The following MSI2 variants were observed in gnomAD, a reference collection of about 807,000 sequenced individuals.
MSI2 encodes musashi RNA binding protein 2.
MSI2 carries 17 observed loss-of-function variants against 45.6 expected under a neutral mutation model. The ratio of observed to expected loss-of-function variants is 0.37; its 90% confidence interval spans 0.26 to 0.56. MSI2 has a LOEUF of 0.56. MSI2 is among the 20% of genes least tolerant of loss of function. The pLI, the probability that MSI2 is intolerant of heterozygous loss-of-function variation, is 0.77. For synonymous variants in MSI2, 156 were observed against 158.2 expected, an observed-to-expected ratio of 0.99 and a Z score of 0.11; for missense variants, 293 against 444.2, an observed-to-expected ratio of 0.66 and a Z score of 3.06.
chr17:57,576,321 T>C (rs1231194571), intron 7 of MSI2, among the ~76,000 whole-genome samples: 1 of 152,228 alleles, frequency 6.6e-6, no homozygotes, highest in Non-Finnish European at 1.5e-5. Context: ...AAGGGCTGGA[T>C]CCTACTCTCC....
At chr17:57,605,441 G>T (rs1906448742) in intron 8 of MSI2, among the ~76,000 whole-genome samples, 2 of 152,226 alleles carry the variant, frequency 1.3e-5, no homozygotes, top group African/African-American at 4.8e-5. Flanking sequence ...GAGGGCAGTG[G>T]TCTGTCTCCT....
At chr17:57,388,583 T>C (rs2083725896) in intron 5 of MSI2, among the ~76,000 whole-genome samples, 2 of 152,208 alleles carry the variant, frequency 1.3e-5, no homozygotes, top group Admixed American at 6.5e-5. Context: ...TCATGCCTTT[T>C]TCTCTACTTC....
intron 6 of MSI2, among the ~76,000 whole-genome samples, chr17:57,508,288 G>C (rs899421707): frequency 2.0e-5 from 3 of 152,108 alleles, no homozygotes; most frequent in Non-Finnish European, 4.4e-5. Flanking sequence ...CCCTTCCTCT[G>C]CTGCCCGTAT....
chr17:57,513,335 T>C (rs2086398334), intron 6 of MSI2, among the ~76,000 whole-genome samples: 2 of 152,010 alleles, frequency 1.3e-5, no homozygotes, highest in African/African-American at 4.8e-5. Flanking sequence ...TGAAGTGAAG[T>C]AACAGAGGCA....
intron 5 of MSI2, among the ~76,000 whole-genome samples, chr17:57,311,794 G>A (rs371178616): frequency 7.9e-5 from 12 of 152,202 alleles, no homozygotes; most frequent in Admixed American, 7.2e-4. Flanking sequence ...GGCCTCAAGC[G>A]ATACTCCCAC....
At chr17:57,408,409 A>G (rs2084124680) in intron 6 of MSI2, among the ~76,000 whole-genome samples, 1 of 152,246 alleles carries the variant, frequency 6.6e-6, no homozygotes, top group South Asian at 2.1e-4. Flanking sequence ...TGCCATGTGC[A>G]TTTGCATAGT....
rs561338479 is a variant in MSI2, at chr17:57,407,505, A to C, written c.405+6034A>C. On this transcript the variant is annotated intron_variant, in intron 6 of 13. Coordinates refer to ENST00000284073, the MANE Select transcript of MSI2 (RefSeq NM_138962.4). The surrounding 1 kb of genome is among the most constrained non-coding windows in gnomAD (Gnocchi z 4.1). ...GTCGTAGATAAACAGAGCTCTGTGC[A>C]GTGTGGTTCTCTCAGAGGAGGCTTG... Among the ~76,000 whole-genome samples, 3 of 152,178 alleles carry C rather than the reference A, an allele frequency of 2.0e-5. No homozygotes were observed. The highest frequency in any genetic ancestry group is 7.2e-5 in the African/African-American group (3 of 41,428).
intron 5 of MSI2, among the ~76,000 whole-genome samples, chr17:57,394,939 GA>G (rs1181828245): frequency 2.0e-5 from 3 of 152,242 alleles, no homozygotes. Flanking sequence ...AGTGGTTTAA[GA>G]AATAGAAATA....
chr17:57,346,038 T>A (rs1160985054), intron 5 of MSI2, among the ~76,000 whole-genome samples: 7 of 152,282 alleles, frequency 4.6e-5, no homozygotes, highest in South Asian at 2.1e-4. Flanking sequence ...AGGTGAGAGA[T>A]GAAAAATGTT....
In MSI2 at chr17:57,682,324, C is replaced by CT. The variant is rs888541490; in HGVS notation, c.*2807_*2808insT. On this transcript the variant is annotated 3_prime_UTR_variant, in exon 14 of 14. Transcript: ENST00000284073. ...TCTACGGCGTTTTGTAGATCCCCCC[C>CT]CCCCCACCCACTGTGAAGGGGTGCC... The CT allele has an allele frequency of 6.0e-6, 1 of 165,986 alleles. No individual in the cohort carries two copies. The highest frequency in any genetic ancestry group is 6.7e-5 in the Admixed American group (1 of 14,900). The allele number at this position is 165,986 out of a possible 1,614,324, so 10.3% of individuals were successfully genotyped here.
At chr17:57,578,731 T>C (rs780434674) in intron 7 of MSI2, among the ~76,000 whole-genome samples, 3 of 152,122 alleles carry the variant, frequency 2.0e-5, no homozygotes, top group African/African-American at 7.2e-5. Context: ...ATTAGTTGCC[T>C]TGCTACTTGG....
At chr17:57,331,241 A>G (rs1411502105) in intron 5 of MSI2, among the ~76,000 whole-genome samples, 1 of 152,116 alleles carries the variant, frequency 6.6e-6, no homozygotes, top group African/African-American at 2.4e-5. Flanking sequence ...GAGCAGTTTA[A>G]ATTAAATAAT....
downstream of MSI2, among the ~76,000 whole-genome samples, chr17:57,687,985 G>C (rs1913915880): frequency 6.6e-6 from 1 of 152,084 alleles, no homozygotes; most frequent in African/African-American, 2.4e-5. Context: ...AATATGTGCT[G>C]ATAAAGTATT....
At chr17:57,326,515 T>C (rs1379319293) in intron 5 of MSI2, among the ~76,000 whole-genome samples, 1 of 152,268 alleles carries the variant, frequency 6.6e-6, no homozygotes, top group African/African-American at 2.4e-5. Flanking sequence ...CTGTAGGGCC[T>C]TGGACTATGT....
intron 7 of MSI2, among the ~76,000 whole-genome samples, chr17:57,542,696 G>A (rs1351316529): frequency 6.6e-6 from 1 of 152,170 alleles, no homozygotes; most frequent in Non-Finnish European, 1.5e-5. Context: ...CCTTCAAGGA[G>A]CCTTCCAGCT....
chr17:57,394,519 A>G (rs1431954661), intron 5 of MSI2, among the ~76,000 whole-genome samples: 4 of 152,180 alleles, frequency 2.6e-5, no homozygotes, highest in African/African-American at 9.7e-5. Context: ...ATAGGGGAAA[A>G]GTATATCTCA....
intron 8 of MSI2, among the ~76,000 whole-genome samples, chr17:57,602,632 G>A (rs1039746759): frequency 1.5e-4 from 23 of 152,150 alleles, no homozygotes; most frequent in African/African-American, 5.1e-4. Flanking sequence ...TGGGATTACA[G>A]GCATCAGCCA....
At chr17:57,450,177 A>G (rs1031293072) in intron 6 of MSI2, 2 of 151,932 alleles carry the variant, frequency 1.3e-5, no homozygotes, top group African/African-American at 4.8e-5. Context: ...CTTTCTTCAA[A>G]ATGAAAAATG....
chr17:57,579,195 A>G lies in MSI2; in HGVS notation c.455-17673A>G, dbSNP rs2193003. On this transcript the variant is annotated intron_variant, in intron 7 of 13. Transcript: ENST00000284073. ...AATTTGGTAATAAACTAAGGAAAGG[A>G]TGACAGCTGAGGTTCCTTAAGGCCC... 9.5e-3 allele frequency among the ~76,000 whole-genome samples: 1,448 copies of G among 152,348 alleles called. 24 individuals carry two copies. The highest frequency in any genetic ancestry group is 0.033 in the African/African-American group (1,388 of 41,570).
Sources: gnomAD v4.1 joint callset for allele counts (sites outside exome capture counted in the v4.1 genomes callset) on GRCh38, gnomAD v4.1.1 for gene constraint, Gnocchi (gnomAD v3.1) non-coding constraint, MANE v1.5 for transcripts, NCBI Gene and HGNC (gene_info 2026-07-23, HGNC 2026-07-21) for gene names.